The following EEPD1 variants were observed in gnomAD, a reference collection of about 807,000 sequenced individuals.
EEPD1 encodes endonuclease/exonuclease/phosphatase family domain containing 1.
Under a neutral mutation model 46.3 loss-of-function variants are expected in EEPD1, and 17 were observed. The ratio of observed to expected loss-of-function variants is 0.37; its 90% CI spans 0.25 to 0.55. The LOEUF (loss-of-function observed/expected upper bound fraction) is 0.55. Ranked by LOEUF, EEPD1 falls within the 20% of genes least tolerant of loss-of-function variation. The probability of loss-of-function intolerance (pLI) is 0.83; values close to 1 mark genes in which losing one functional copy is unlikely to be tolerated. For missense variants in EEPD1, 673 were observed against 745.6 expected, an observed-to-expected ratio of 0.90 and a Z score of 1.13; for synonymous variants, 313 against 315.6, an observed-to-expected ratio of 0.99 and a Z score of 0.09.
rs1379126734 is a variant in EEPD1, at chr7:36,225,806, T to G, written c.879-13179T>G. Among the ~76,000 whole-genome samples, 4 of 152,224 alleles carry G rather than the reference T, an allele frequency of 2.6e-5. No individual in the cohort carries two copies. The highest frequency in any genetic ancestry group is 5.9e-5 in the Non-Finnish European group (4 of 68,044). On this transcript the variant is annotated intron_variant, in intron 2 of 7. Transcript: ENST00000242108. The surrounding 1 kb of genome is among the most constrained non-coding windows in gnomAD (Gnocchi z 4.2). ...AACCCTCTACAAAATTTGGGGGTTA[T>G]GTAGCAACCCAAACAATTTTATGCT...
chr7:36,187,311 C>T (rs1272672783), intron 2 of EEPD1, among the ~76,000 whole-genome samples: 1 of 152,076 alleles, frequency 6.6e-6, no homozygotes, highest in Non-Finnish European at 1.5e-5. Flanking sequence ...GCATAAAGTA[C>T]ATTCACATTG....
intron 2 of EEPD1, among the ~76,000 whole-genome samples, chr7:36,215,127 G>A (rs932104604): frequency 2.0e-5 from 3 of 152,314 alleles, no homozygotes; most frequent in Non-Finnish European, 2.9e-5. Flanking sequence ...TAGCAGTGGC[G>A]TCTGGGACCC....
intron 2 of EEPD1, among the ~76,000 whole-genome samples, chr7:36,202,487 C>T (rs1191243540): frequency 2.0e-5 from 3 of 152,160 alleles, no homozygotes; most frequent in African/African-American, 4.8e-5. Context: ...ACAACCAGGA[C>T]TGTAGCCTGG....
chr7:36,247,632 T>C (rs1252966076), intron 3 of EEPD1, among the ~76,000 whole-genome samples: 2 of 152,168 alleles, frequency 1.3e-5, no homozygotes, highest in African/African-American at 2.4e-5. Context: ...CCAAGGGAGT[T>C]GAAGTGCCCT....
At chr7:36,222,498 G>A (rs767397291) in intron 2 of EEPD1, among the ~76,000 whole-genome samples, 1 of 152,094 alleles carries the variant, frequency 6.6e-6, no homozygotes, top group African/African-American at 2.4e-5. Flanking sequence ...AGGGTGAACT[G>A]TATATATAAC....
Position 36,155,090 on chromosome 7 carries a change from G to A in EEPD1, c.766G>A (p.Asp256Asn), listed in dbSNP as rs373110272. 43 of 1,585,104 alleles carry A rather than the reference G, an allele frequency of 2.7e-5. No individual in the cohort carries two copies. Among genetic ancestry groups the A allele is most frequent in the African/African-American group, 1.9e-4 (14 of 74,446 alleles). ...CGTGGAGGCCTTTGGAGGCACAAGG[G>A]ATGGGAGGCCTGTGCTGAGGCTGGC... The part of the protein sequence containing the change: ...PSVEAFGGTR[D>N]GRPVLRLATW... Residue 256 changes from aspartate to asparagine, a missense_variant, in exon 2 of 8, where the codon GAT becomes AAT. Physicochemically the swap from Asp to Asn is conservative, Grantham distance 23. Coordinates refer to ENST00000242108, the MANE Select transcript of EEPD1 (RefSeq NM_030636.3).
intron 2 of EEPD1, among the ~76,000 whole-genome samples, chr7:36,177,419 A>G (rs1377348138): frequency 1.3e-5 from 2 of 151,002 alleles, no homozygotes; most frequent in Admixed American, 6.6e-5. Flanking sequence ...CCCTTTCCCC[A>G]CTCCCTCCCT....
At chr7:36,242,484 T>C (rs991385799) in intron 3 of EEPD1, among the ~76,000 whole-genome samples, 18 of 152,248 alleles carry the variant, frequency 1.2e-4, no homozygotes, top group Non-Finnish European at 2.2e-4. Context: ...TACAGGAATT[T>C]GTTGAGCTTC....
rs1786210454 is a variant in EEPD1, at chr7:36,225,049, A to G, written c.879-13936A>G. ...CAAGGAATGCAGGCAGCCACCAGAG[A>G]CAAAAAAAAAATAGGCTCTCCTCTC... On this transcript the variant is annotated intron_variant, in intron 2 of 7. Transcript: ENST00000242108. The surrounding 1 kb of genome is among the most constrained non-coding windows in gnomAD (Gnocchi z 4.2). Among the ~76,000 whole-genome samples, 2 of 151,956 alleles carry G rather than the reference A, an allele frequency of 1.3e-5. No individual in the cohort carries two copies. The highest frequency in any genetic ancestry group is 4.8e-5 in the African/African-American group (2 of 41,380).
rs907716875 is a variant in EEPD1 at position 36,281,349 on chromosome 7, A to C, written c.1041+124A>C. 29 of 851,212 alleles carry C rather than the reference A, an allele frequency of 3.4e-5. 1 individual carries two copies. The highest frequency in any genetic ancestry group is 4.8e-4 in the Middle Eastern group (2 of 4,204). The allele number at this position is 851,212 out of a possible 1,614,324, so 52.7% of individuals were successfully genotyped here. On this transcript the variant is annotated intron_variant, in intron 4 of 7. Coordinates refer to ENST00000242108, the MANE Select transcript of EEPD1 (RefSeq NM_030636.3). ...CGGTTCAATTTTGTATTTCTGCCCA[A>C]TTTTTAAATCCTTGCCATTCATTTC...
intron 4 of EEPD1, among the ~76,000 whole-genome samples, chr7:36,284,438 C>G (rs1022323373): frequency 2.0e-5 from 3 of 152,196 alleles, no homozygotes; most frequent in South Asian, 2.1e-4. Context: ...CCACCTCCCC[C>G]CAAAGACAGA....
At position 36,225,831 on chromosome 7, in the gene EEPD1, T is replaced by C. The variant is rs1169297371; in HGVS notation, c.879-13154T>C. On this transcript the variant is annotated intron_variant, in intron 2 of 7. Transcript: ENST00000242108. The surrounding 1 kb of genome is among the most constrained non-coding windows in gnomAD (Gnocchi z 4.2). ...TGTAGCAACCCAAACAATTTTATGC[T>C]CAGCTGAGTTGCCTTTTGTCTGTGA... Among the ~76,000 whole-genome samples the C allele has an allele frequency of 6.6e-6, 1 of 152,204 alleles. No individual in the cohort carries two copies. Among genetic ancestry groups the C allele is most frequent in the Non-Finnish European group, 1.5e-5 (1 of 68,032 alleles).
chr7:36,217,286 C>G (rs1240360321), intron 2 of EEPD1, among the ~76,000 whole-genome samples: 1 of 152,230 alleles, frequency 6.6e-6, no homozygotes, highest in African/African-American at 2.4e-5. Flanking sequence ...AGGGTACCTC[C>G]CCTTTTTAGA....
At position 36,154,542 on chromosome 7, in the gene EEPD1, G is replaced by C. The variant is rs1562666321; in HGVS notation, c.218G>C (p.Gly73Ala). The change falls in exon 2 of 8, where the codon GGC becomes GCC. Residue 73 changes from glycine to alanine, a missense_variant. By Grantham distance (60) the Gly-to-Ala change is moderately conservative. Coordinates refer to ENST00000242108, the MANE Select transcript of EEPD1 (RefSeq NM_030636.3). This position sits in a 1 kb window ranked among gnomAD's most constrained non-coding sequence, Gnocchi z 4.2. ...GTGGAGTACCGAGAGTATATCGGTGGCTTCAAGAAGGTGGAGGACCTGGCA... is the reference window on the plus strand; with the variant it reads ...GTGGAGTACCGAGAGTATATCGGTGCCTTCAAGAAGGTGGAGGACCTGGCA... ...SIVEYREYIG[G>A]FKKVEDLALV... 1.9e-6 allele frequency: 3 copies of C among 1,614,178 alleles called. No individual in the cohort carries two copies.
At chr7:36,259,474 C>T (rs1287581440) in intron 3 of EEPD1, among the ~76,000 whole-genome samples, 2 of 152,064 alleles carry the variant, frequency 1.3e-5, no homozygotes, top group African/African-American at 4.8e-5. Flanking sequence ...CATGTTACAC[C>T]TTGAACTATA....
intron 3 of EEPD1, among the ~76,000 whole-genome samples, chr7:36,240,140 A>G (rs1786533490): frequency 6.6e-6 from 1 of 152,054 alleles, no homozygotes; most frequent in Non-Finnish European, 1.5e-5. Context: ...GTGGTGGTGC[A>G]CACCTGCGGT....
intron 6 of EEPD1, among the ~76,000 whole-genome samples, chr7:36,296,314 G>C (rs1375490070): frequency 1.3e-5 from 2 of 152,076 alleles, no homozygotes; most frequent in African/African-American, 2.4e-5. Flanking sequence ...TTAACATCTG[G>C]CTTCTTGATA....
chr7:36,234,075 G>A lies in EEPD1; in HGVS notation c.879-4910G>A, dbSNP rs1239861620. 4.6e-5 allele frequency among the ~76,000 whole-genome samples: 7 copies of A among 152,122 alleles called. No homozygotes were observed. The East Asian group carries it at 1.4e-3, about 29-fold the overall frequency. ...TGGGATTACAGGCGCCCGCCACCAT[G>A]CCTGGGCTAATTTTTGTATTTTTAG... is the stretch of plus-strand genomic sequence containing the variant. On this transcript the variant is annotated intron_variant, in intron 2 of 7. Transcript: ENST00000242108.
intron 3 of EEPD1, among the ~76,000 whole-genome samples, chr7:36,258,433 C>T (rs1293635111): frequency 6.6e-6 from 1 of 152,214 alleles, no homozygotes; most frequent in East Asian, 1.9e-4. Flanking sequence ...CACAGCCACC[C>T]CTTCCCCCAG....
Sources: allele counts gnomAD v4.1 joint callset (sites outside exome capture counted in the v4.1 genomes callset), GRCh38; gene constraint gnomAD v4.1.1; non-coding constraint Gnocchi (gnomAD v3.1); transcripts MANE v1.5; gene names NCBI Gene and HGNC (gene_info 2026-07-23, HGNC 2026-07-21).